The following TENM2 variants were observed in gnomAD, a reference collection of about 807,000 sequenced individuals.
TENM2 encodes the protein teneurin-2.
In TENM2, 52 loss-of-function variants were observed where a neutral mutation model predicts 245.2. The ratio of observed to expected loss-of-function variants is 0.21; its 90% CI spans 0.17 to 0.27. The LOEUF (loss-of-function observed/expected upper bound fraction) is 0.27. TENM2 is among the 10% of genes least tolerant of loss of function. The pLI is 1.00. For missense variants in TENM2, 3,046 were observed against 3,666.8 expected, an observed-to-expected ratio of 0.83 and a Z score of 4.37; for synonymous variants, 1,363 against 1,438.9, an observed-to-expected ratio of 0.95 and a Z score of 1.19.
intron 2 of TENM2, among the ~76,000 whole-genome samples, chr5:167,570,239 G>A (rs376059574): frequency 2.6e-5 from 4 of 152,144 alleles, no homozygotes; most frequent in East Asian, 1.9e-4. Flanking sequence ...AAACAAATCT[G>A]CACTTGATTC....
chr5:167,321,230 A>C (rs1170891119), intron 1 of TENM2, among the ~76,000 whole-genome samples: 2 of 152,180 alleles, frequency 1.3e-5, no homozygotes, highest in Admixed American at 1.3e-4. Flanking sequence ...ATCCAAGAGT[A>C]AGATGCAAAC....
chr5:167,221,546 G>A, the TENM2 span, among the ~76,000 whole-genome samples: 1 of 152,152 alleles, frequency 6.6e-6, no homozygotes, highest in Non-Finnish European at 1.5e-5. Context: ...AATCCCTATA[G>A]TAGTGATATT....
At chr5:167,911,193 A>G (rs1229727731) in intron 3 of TENM2, among the ~76,000 whole-genome samples, 1 of 152,172 alleles carries the variant, frequency 6.6e-6, no homozygotes, top group Non-Finnish European at 1.5e-5. Flanking sequence ...GAGTTGTTTC[A>G]CAAAAATGAT....
At chr5:167,635,386 C>T (rs978984892) in intron 2 of TENM2, among the ~76,000 whole-genome samples, 17 of 151,896 alleles carry the variant, frequency 1.1e-4, no homozygotes, top group African/African-American at 3.6e-4. Flanking sequence ...TTTCTTTTTT[C>T]TTTTTCTTTC....
chr5:168,225,465 T>TA (rs869178970), intron 23 of TENM2, among the ~76,000 whole-genome samples: 4 of 152,024 alleles, frequency 2.6e-5, no homozygotes, highest in African/African-American at 9.7e-5. Flanking sequence ...AGACCTAAAT[T>TA]AAAAAACAAG....
chr5:167,542,511 CA>C (rs772374877), intron 2 of TENM2, among the ~76,000 whole-genome samples: 3 of 152,044 alleles, frequency 2.0e-5, no homozygotes, highest in Non-Finnish European at 2.9e-5. Context: ...GGGTCAAGCC[CA>C]GGAATCCAAA....
At chr5:168,241,663 G>T (rs987729837) in intron 25 of TENM2, among the ~76,000 whole-genome samples, 1 of 152,042 alleles carries the variant, frequency 6.6e-6, no homozygotes, top group African/African-American at 2.4e-5. Context: ...GTAGTCCTGG[G>T]TTCAGATTCC....
chr5:167,346,116 T>C (rs902670388), intron 1 of TENM2, among the ~76,000 whole-genome samples: 2 of 152,202 alleles, frequency 1.3e-5, no homozygotes, highest in African/African-American at 4.8e-5. Flanking sequence ...AAGAAGTCAT[T>C]TGAGAACAAA....
chr5:167,679,794 G>C (rs1756578047), intron 2 of TENM2, among the ~76,000 whole-genome samples: 1 of 152,106 alleles, frequency 6.6e-6, no homozygotes, highest in Admixed American at 6.5e-5. Flanking sequence ...GTCCCTACAT[G>C]TAAAAAAAGG....
chr5:167,501,934 C>T (rs1769237818), intron 2 of TENM2, among the ~76,000 whole-genome samples: 1 of 151,740 alleles, frequency 6.6e-6, no homozygotes, highest in Non-Finnish European at 1.5e-5. Context: ...ATTGCCACAA[C>T]CCTAAAAAGA....
At chr5:167,484,204 G>T (rs902359546) in intron 2 of TENM2, among the ~76,000 whole-genome samples, 2 of 152,084 alleles carry the variant, frequency 1.3e-5, no homozygotes, top group African/African-American at 4.8e-5. Context: ...AATTAGCAGG[G>T]CTTGGTGGCG....
chr5:167,570,845 T>G (rs1333395670), intron 2 of TENM2, among the ~76,000 whole-genome samples: 1 of 152,168 alleles, frequency 6.6e-6, no homozygotes, highest in Non-Finnish European at 1.5e-5. Context: ...TGAATGATTG[T>G]GGTGGGGGAA....
chr5:168,223,523 A>G (rs1229156652), intron 23 of TENM2, among the ~76,000 whole-genome samples: 3 of 144,314 alleles, frequency 2.1e-5, no homozygotes, highest in African/African-American at 8.0e-5. Context: ...GCTGAAGTGC[A>G]GTGGCACAAT....
chr5:168,118,529 C>T (rs745594276), intron 10 of TENM2, 43 bp downstream of exon 12: 10 of 1,440,444 alleles, frequency 6.9e-6, no homozygotes, highest in East Asian at 4.7e-5. Flanking sequence ...TGGAGGGAGG[C>T]GTTTGCAGGG....
chr5:167,704,670 A>G lies in TENM2; in HGVS notation c.503-171316A>G, dbSNP rs143985653. Among the ~76,000 whole-genome samples the G allele has an allele frequency of 3.9e-5, 6 of 152,306 alleles. No individual in the cohort carries two copies. In the East Asian group the frequency reaches 1.2e-3, roughly 29 times the overall value. On this transcript the variant is annotated intron_variant, in intron 2 of 28. Transcript: ENST00000518659. ...AGAAGGCTTTGAATAAGAACTGCAC[A>G]GAGTGACTTTGAGTTGCAGTAACCT...
intron 2 of TENM2, among the ~76,000 whole-genome samples, chr5:167,676,536 G>T (rs1372316331): frequency 1.3e-5 from 2 of 152,054 alleles, no homozygotes; most frequent in African/African-American, 2.4e-5. Context: ...CAAGTATAAA[G>T]CTATCCTGTC....
At chr5:168,178,991 C>T (rs1219230494) in intron 13 of TENM2, among the ~76,000 whole-genome samples, 5 of 152,062 alleles carry the variant, frequency 3.3e-5, no homozygotes, top group Non-Finnish European at 7.4e-5. Flanking sequence ...AAAAGTTAGC[C>T]AGGCATGGTG....
At chr5:167,032,033 G>A in the TENM2 span, among the ~76,000 whole-genome samples, 6 of 152,086 alleles carry the variant, frequency 3.9e-5, no homozygotes. Flanking sequence ...AAAACACCTA[G>A]GTCTGTGAAC....
chr5:167,945,637 C>A (rs187544699), intron 3 of TENM2, among the ~76,000 whole-genome samples: 1 of 152,292 alleles, frequency 6.6e-6, no homozygotes, highest in Admixed American at 6.5e-5. Context: ...CTCCTTGTGA[C>A]TGTAATTCCC....
Sources: allele counts gnomAD v4.1 joint callset (sites outside exome capture counted in the v4.1 genomes callset), GRCh38; gene constraint gnomAD v4.1.1; transcripts MANE v1.5; gene names NCBI Gene and HGNC (gene_info 2026-07-23, HGNC 2026-07-21).